UBAP2: variants seen among roughly 807,000 people sequenced by gnomAD.
UBAP2 encodes ubiquitin-associated protein 2.
UBAP2 carries 75 observed loss-of-function variants against 139.6 expected under a neutral mutation model. The ratio of observed to expected loss-of-function variants is 0.54; its 90% CI spans 0.45 to 0.65. The LOEUF (loss-of-function observed/expected upper bound fraction) is 0.65, where lower values mean the gene tolerates loss of function less well. Among genes scored for constraint, UBAP2 ranks in the 30% least tolerant of loss-of-function variants. The pLI, the probability that UBAP2 is intolerant of heterozygous loss-of-function variation, is 0.00. For synonymous variants in UBAP2, 526 were observed against 526.2 expected, an observed-to-expected ratio of 1.00 and a Z score of 0.01; for missense variants, 1,368 against 1,369.6, an observed-to-expected ratio of 1.00 and a Z score of 0.02.
chr9:34,014,790 A>AT, intron 2 of UBAP2, among the ~76,000 whole-genome samples: 2 of 150,722 alleles, frequency 1.3e-5, no homozygotes, highest in African/African-American at 4.8e-5. Context: ...AAAAAAAAAA[A>AT]GACCATTCAT....
chr9:33,932,171 G>A (rs958313006), intron 19 of UBAP2, among the ~76,000 whole-genome samples: 2 of 152,136 alleles, frequency 1.3e-5, no homozygotes, highest in Non-Finnish European at 2.9e-5. Flanking sequence ...GGCAGTGCAT[G>A]TTTGCTTCCA....
intron 2 of UBAP2, chr9:34,011,658 G>A (rs1001635530): frequency 3.0e-6 from 3 of 987,432 alleles, no homozygotes; most frequent in Non-Finnish European, 3.6e-6. Context: ...TCAAGAGGTC[G>A]GTACAGCTTG....
chr9:33,941,173 A>G (rs764684417), intron 16 of UBAP2, among the ~76,000 whole-genome samples: 4 of 152,238 alleles, frequency 2.6e-5, no homozygotes, highest in Admixed American at 6.5e-5. Flanking sequence ...AAGAATCTAG[A>G]AGGGTAAAAC....
chr9:33,931,846 C>T (rs780155615), intron 19 of UBAP2, among the ~76,000 whole-genome samples: 6 of 152,252 alleles, frequency 3.9e-5, no homozygotes, highest in Non-Finnish European at 5.9e-5. Context: ...ACTCCAACCT[C>T]GCCCAACACC....
At chr9:33,976,504 C>T (rs987801852) in intron 6 of UBAP2, among the ~76,000 whole-genome samples, 1 of 152,042 alleles carries the variant, frequency 6.6e-6, no homozygotes, top group South Asian at 2.1e-4. Flanking sequence ...AACAGAAAGG[C>T]GATTACTGGT....
rs111988134 is a variant in UBAP2 at position 33,933,361 on chromosome 9, G to C, written c.2108+129C>G. Reference sequence around the variant, plus strand: ...CCTGGCCAAAACCTAAGCTACAGTCGTAATGCAAAAGCCCAGGACATCACG... The same window carrying C: ...CCTGGCCAAAACCTAAGCTACAGTCCTAATGCAAAAGCCCAGGACATCACG... On this transcript the variant is annotated intron_variant, in intron 18 of 28. Coordinates refer to ENST00000379238, the MANE Select transcript of UBAP2 (RefSeq NM_001370062.2). 3.6e-6 allele frequency: 4 copies of C among 1,115,030 alleles called. No individual in the cohort carries two copies. In the African/African-American group the frequency reaches 4.7e-5, roughly 13 times the overall value. 69.1% of individuals were successfully genotyped at this position (1,115,030 alleles called of 1,614,324 possible).
chr9:33,989,099 T>C lies in UBAP2; in HGVS notation c.316A>G (p.Lys106Glu), dbSNP rs1821463037. Residue 106 changes from lysine to glutamate, a missense_variant, in exon 5 of 29, where the codon AAA (lysine) becomes GAA (glutamate). Coordinates refer to ENST00000379238, the MANE Select transcript of UBAP2 (RefSeq NM_001370062.2). ...GAATTTTCTTTTGCAAAATTCTTTTTCTTACACCCTACAGTCTCCCATGAA... is the reference window on the plus strand; with the variant it reads ...GAATTTTCTTTTGCAAAATTCTTTTCCTTACACCCTACAGTCTCCCATGAA... Reference protein sequence around the residue: ...TTSWETVGCKKKNFAKENSEN... With the variant: ...TTSWETVGCKEKNFAKENSEN... The C allele has an allele frequency of 6.2e-7, 1 of 1,613,864 alleles. No homozygotes were observed. Among genetic ancestry groups the C allele is most frequent in the Non-Finnish European group, 8.5e-7 (1 of 1,179,962 alleles).
At chr9:33,925,410 A>G (rs1823342775) in intron 22 of UBAP2, among the ~76,000 whole-genome samples, 1 of 152,288 alleles carries the variant, frequency 6.6e-6, no homozygotes, top group South Asian at 2.1e-4. Flanking sequence ...GCAGAGGTGA[A>G]CAAACAACCC....
intron 4 of UBAP2, among the ~76,000 whole-genome samples, chr9:33,991,993 C>T (rs1240115528): frequency 6.6e-6 from 1 of 152,184 alleles, no homozygotes; most frequent in African/African-American, 2.4e-5. Flanking sequence ...GTGGCTCACA[C>T]CTGTAATCCC....
intron 13 of UBAP2, among the ~76,000 whole-genome samples, chr9:33,944,908 A>G (rs1825537449): frequency 1.3e-5 from 2 of 152,304 alleles, no homozygotes; most frequent in South Asian, 4.1e-4. Context: ...GGTGCTATAC[A>G]CACCTGACCA....
At chr9:33,939,693 G>A (rs1158835307) in intron 16 of UBAP2, among the ~76,000 whole-genome samples, 2 of 138,402 alleles carry the variant, frequency 1.4e-5, no homozygotes, top group Non-Finnish European at 3.1e-5. Flanking sequence ...CACTTCAGTG[G>A]GTGACAGAGC....
intron 8 of UBAP2, among the ~76,000 whole-genome samples, chr9:33,965,557 G>A (rs1349461564): frequency 1.3e-5 from 2 of 152,060 alleles, no homozygotes; most frequent in Non-Finnish European, 2.9e-5. Context: ...TATCTTCTTT[G>A]TAAGTTGTAC....
intron 20 of UBAP2, 63 bp downstream of exon 20, chr9:33,927,734 G>A (rs1823577130): frequency 6.6e-7 from 1 of 1,512,932 alleles, no homozygotes; most frequent in Admixed American, 2.1e-5. Flanking sequence ...GCCTTCCTGG[G>A]ACGCCAAGCA....
chr9:34,043,114 C>T (rs1245057462), intron 1 of UBAP2, among the ~76,000 whole-genome samples: 2 of 152,108 alleles, frequency 1.3e-5, no homozygotes, highest in South Asian at 2.1e-4. Flanking sequence ...CCACCTTCTA[C>T]GTTATACAAT....
intron 2 of UBAP2, among the ~76,000 whole-genome samples, chr9:34,000,425 T>C (rs972311456): frequency 5.9e-5 from 9 of 152,228 alleles, no homozygotes; most frequent in East Asian, 3.8e-4. Context: ...GACTTTGTAA[T>C]GTGCCAGTCT....
intron 2 of UBAP2, among the ~76,000 whole-genome samples, chr9:34,014,392 A>T (rs972450286): frequency 1.4e-4 from 21 of 147,644 alleles, no homozygotes; most frequent in Non-Finnish European, 2.7e-4. Context: ...GCACCTTTGA[A>T]GGCTAAGGGG....
chr9:33,973,572 T>C (rs1235970774), intron 6 of UBAP2, among the ~76,000 whole-genome samples: 1 of 152,164 alleles, frequency 6.6e-6, no homozygotes, highest in Non-Finnish European at 1.5e-5. Context: ...CTACTATAAA[T>C]GAAATGAGAA....
At chr9:33,941,543 A>G (rs1056410304) in intron 16 of UBAP2, 106 bp downstream of exon 16, 32 of 961,690 alleles carry the variant, frequency 3.3e-5, no homozygotes, top group East Asian at 5.2e-5. Context: ...TCAAAAGGTT[A>G]GTCAATTTGT....
intron 9 of UBAP2, among the ~76,000 whole-genome samples, chr9:33,962,684 T>TAAA (rs1564032725): frequency 3.7e-4 from 41 of 111,768 alleles, no homozygotes; most frequent in South Asian, 1.8e-3. Flanking sequence ...AAATAAATAA[T>TAAA]TAAAAAATAG....
Sources: gnomAD v4.1 joint callset for allele counts (sites outside exome capture counted in the v4.1 genomes callset) on GRCh38, gnomAD v4.1.1 for gene constraint, MANE v1.5 for transcripts, NCBI Gene and HGNC (gene_info 2026-07-23, HGNC 2026-07-21) for gene names.